The following MCTP1 variants were observed in gnomAD, a reference collection of about 807,000 sequenced individuals.
MCTP1 encodes the protein multiple C2 and transmembrane domain-containing protein 1.
In MCTP1, 69 loss-of-function variants were observed where a neutral mutation model predicts 120.6. The ratio of observed to expected loss-of-function variants is 0.57; its 90% confidence interval spans 0.47 to 0.70. MCTP1 has a LOEUF of 0.70. Among genes scored for constraint, MCTP1 ranks in the 30% least tolerant of loss-of-function variants. MCTP1 has a pLI of 0.00. For missense variants in MCTP1, 1,203 were observed against 1,248.8 expected (o/e 0.96, Z 0.55); for synonymous variants, 529 against 493.1 (o/e 1.07, Z -0.96).
chr5:94,923,375 T>C (rs980803206), intron 7 of MCTP1, among the ~76,000 whole-genome samples: 1 of 152,196 alleles, frequency 6.6e-6, no homozygotes, highest in African/African-American at 2.4e-5. Context: ...AAAAAATGGA[T>C]GGTCATTATG....
chr5:95,279,527 C>T (rs1482833207), intron 1 of MCTP1, among the ~76,000 whole-genome samples: 2 of 152,138 alleles, frequency 1.3e-5, no homozygotes, highest in Admixed American at 6.5e-5. Flanking sequence ...TTCAACCACA[C>T]ACTTATTTGT....
chr5:95,002,594 G>C (rs1252311336), intron 2 of MCTP1, among the ~76,000 whole-genome samples: 1 of 152,196 alleles, frequency 6.6e-6, no homozygotes, highest in Non-Finnish European at 1.5e-5. Flanking sequence ...GACTTGTATG[G>C]GGCCTGTAGC....
At chr5:95,199,729 C>T (rs1263115282) in intron 1 of MCTP1, among the ~76,000 whole-genome samples, 1 of 151,564 alleles carries the variant, frequency 6.6e-6, no homozygotes, top group Non-Finnish European at 1.5e-5. Context: ...TGTGGTGGTG[C>T]ACGCCTGTAA....
Position 94,799,359 on chromosome 5 carries a change from A to G in MCTP1, c.2437-227T>C, listed in dbSNP as rs1780725104. Among the ~76,000 whole-genome samples, 6 of 152,196 alleles carry G rather than the reference A, an allele frequency of 3.9e-5. No homozygotes were observed. In the South Asian group the frequency reaches 1.3e-3, roughly 32 times the overall value. Reference sequence around the variant, plus strand: ...ATCTGTTTAATTTCTATGAAGGAAAAGTTGATATCATTACGTTGTCAAAGA... The same window carrying G: ...ATCTGTTTAATTTCTATGAAGGAAAGGTTGATATCATTACGTTGTCAAAGA... On this transcript the variant is annotated intron_variant, in intron 17 of 22. Coordinates refer to ENST00000515393, the MANE Select transcript of MCTP1 (RefSeq NM_024717.7).
intron 1 of MCTP1, among the ~76,000 whole-genome samples, chr5:95,172,313 C>A (rs1457745980): frequency 6.6e-6 from 1 of 152,192 alleles, no homozygotes; most frequent in East Asian, 1.9e-4. Context: ...GTCAGTCTGC[C>A]CCTACTGGGG....
chr5:95,187,874 T>C (rs981671789), intron 1 of MCTP1, among the ~76,000 whole-genome samples: 3 of 152,166 alleles, frequency 2.0e-5, no homozygotes, highest in South Asian at 2.1e-4. Context: ...AAGAGTATAA[T>C]TGGATTGCTT....
chr5:95,142,531 AT>A (rs1205504744), intron 1 of MCTP1, among the ~76,000 whole-genome samples: 1 of 152,226 alleles, frequency 6.6e-6, no homozygotes, highest in African/African-American at 2.4e-5. Flanking sequence ...AAAAATCACG[AT>A]TGTCTTTTCC....
At chr5:95,140,737 G>A (rs1246282407) in intron 1 of MCTP1, among the ~76,000 whole-genome samples, 4 of 145,766 alleles carry the variant, frequency 2.7e-5, no homozygotes, top group South Asian at 2.2e-4. Flanking sequence ...AAAATTAGCC[G>A]GGTGTGGTGG....
At chr5:94,752,518 G>T (rs898526362) in intron 19 of MCTP1, among the ~76,000 whole-genome samples, 3 of 152,052 alleles carry the variant, frequency 2.0e-5, no homozygotes, top group Non-Finnish European at 4.4e-5. Context: ...GGACCACCCA[G>T]TTAAAACAAT....
At chr5:94,741,039 T>A (rs765773675) in intron 19 of MCTP1, among the ~76,000 whole-genome samples, 2 of 152,192 alleles carry the variant, frequency 1.3e-5, no homozygotes, top group Non-Finnish European at 2.9e-5. Context: ...GGGGAAGCTG[T>A]CAAGAGTCTT....
At chr5:95,243,299 T>G (rs1756377715) in intron 1 of MCTP1, among the ~76,000 whole-genome samples, 1 of 152,124 alleles carries the variant, frequency 6.6e-6, no homozygotes, top group Non-Finnish European at 1.5e-5. Context: ...ATCTGTGGTT[T>G]TAGAAAGAAG....
intron 2 of MCTP1, among the ~76,000 whole-genome samples, chr5:94,956,801 C>A (rs1248598556): frequency 6.6e-6 from 1 of 152,104 alleles, no homozygotes; most frequent in Admixed American, 6.5e-5. Flanking sequence ...GATTGGTGTA[C>A]CTGAAAGTGA....
intron 1 of MCTP1, among the ~76,000 whole-genome samples, chr5:95,173,721 C>T (rs1325802360): frequency 1.3e-5 from 2 of 151,152 alleles, no homozygotes; most frequent in Non-Finnish European, 2.9e-5. Flanking sequence ...AGCACAGAGA[C>T]AAGAATCATC....
intron 12 of MCTP1, among the ~76,000 whole-genome samples, chr5:94,885,886 T>C (rs1801225583): frequency 6.6e-6 from 1 of 152,214 alleles, no homozygotes; most frequent in Non-Finnish European, 1.5e-5. Context: ...CTGCCCACAA[T>C]TTGACTGAAA....
intron 1 of MCTP1, among the ~76,000 whole-genome samples, chr5:95,213,193 A>T (rs187947716): frequency 2.5e-3 from 379 of 152,332 alleles, no homozygotes; most frequent in African/African-American, 8.9e-3. Flanking sequence ...AGTGCACAAA[A>T]TCACAAGCAT....
chr5:94,920,272 GTT>G (rs5869657), intron 7 of MCTP1, among the ~76,000 whole-genome samples: 6,658 of 128,172 alleles, frequency 0.052, 273 homozygotes, highest in African/African-American at 0.12. Flanking sequence ...ACAGAGACCT[GTT>G]TTTTTTTTTT....
At chr5:94,987,321 G>A (rs1313299015) in intron 2 of MCTP1, among the ~76,000 whole-genome samples, 1 of 152,156 alleles carries the variant, frequency 6.6e-6, no homozygotes, top group African/African-American at 2.4e-5. Context: ...GCAGGGTACT[G>A]TGGTACAGAG....
chr5:94,922,171 T>C (rs1811830535), intron 7 of MCTP1, among the ~76,000 whole-genome samples: 1 of 152,098 alleles, frequency 6.6e-6, no homozygotes, highest in Non-Finnish European at 1.5e-5. Flanking sequence ...TACAAGAAAG[T>C]TTGTTTATTT....
intron 1 of MCTP1, among the ~76,000 whole-genome samples, chr5:95,230,696 G>C (rs545821020): frequency 6.6e-6 from 1 of 152,138 alleles, no homozygotes; most frequent in Non-Finnish European, 1.5e-5. Flanking sequence ...CATGTTTAGC[G>C]TTCTGATAAT....
Sources: allele counts gnomAD v4.1 joint callset (sites outside exome capture counted in the v4.1 genomes callset), GRCh38; gene constraint gnomAD v4.1.1; transcripts MANE v1.5; gene names NCBI Gene and HGNC (gene_info 2026-07-23, HGNC 2026-07-21).